ROBO2: variants seen among roughly 807,000 people sequenced by gnomAD.
ROBO2 encodes roundabout guidance receptor 2, also known as roundabout homolog 2.
Under a neutral mutation model 160.8 loss-of-function variants are expected in ROBO2, and 53 were observed. That is an observed-to-expected ratio of 0.33 (90% CI 0.26 to 0.41). The LOEUF (loss-of-function observed/expected upper bound fraction) is 0.41. ROBO2 is among the 10% of genes least tolerant of loss of function. The pLI is 1.00. For synonymous variants in ROBO2, 664 were observed against 611.7 expected (o/e 1.09, Z -1.26); for missense variants, 1,577 against 1,722.4 (o/e 0.92, Z 1.49).
intron 2 of ROBO2, among the ~76,000 whole-genome samples, chr3:76,629,515 C>T (rs1318993731): frequency 6.6e-6 from 1 of 152,122 alleles, no homozygotes; most frequent in Non-Finnish European, 1.5e-5. Context: ...AAGATGCAGG[C>T]CAAAAGACTA....
chr3:75,978,318 T>G (rs1032004658), intron 2 of ROBO2, among the ~76,000 whole-genome samples: 2 of 151,522 alleles, frequency 1.3e-5, no homozygotes, highest in Non-Finnish European at 3.0e-5. Flanking sequence ...TTTAAAAAAG[T>G]ACTTACAATG....
chr3:76,235,260 C>T (rs1044364797), intron 2 of ROBO2, among the ~76,000 whole-genome samples: 8 of 152,166 alleles, frequency 5.3e-5, no homozygotes, highest in Non-Finnish European at 1.2e-4. Flanking sequence ...GAAACCTCCC[C>T]TCTCTCCCCA....
intron 2 of ROBO2, among the ~76,000 whole-genome samples, chr3:76,133,953 A>G (rs1374554508): frequency 6.6e-6 from 1 of 152,082 alleles, no homozygotes; most frequent in Non-Finnish European, 1.5e-5. Context: ...GTTGACACTC[A>G]ATATTAGCCA....
chr3:77,173,981 C>T (rs1020802396), intron 2 of ROBO2, among the ~76,000 whole-genome samples: 1 of 151,984 alleles, frequency 6.6e-6, no homozygotes, highest in African/African-American at 2.4e-5. Flanking sequence ...CTGGACTCTC[C>T]ACATGTGTGT....
At position 76,707,123 on chromosome 3, in the gene ROBO2, A is replaced by G. The variant is rs1052054006; in HGVS notation, c.110-390891A>G. ...ATATGTATACATAGACTATATATTA[A>G]TTTTAACTCCATTCAAGTGTATTTA... On this transcript the variant is annotated intron_variant, in intron 2 of 26. Coordinates refer to the ROBO2 transcript ENST00000487694. Among the ~76,000 whole-genome samples, 43 of 152,000 alleles carry G rather than the reference A, an allele frequency of 2.8e-4. 1 individual carries two copies. Among genetic ancestry groups the G allele is most frequent in the Admixed American group, 1.1e-3 (16 of 15,226 alleles).
intron 2 of ROBO2, among the ~76,000 whole-genome samples, chr3:76,465,389 A>G (rs1164549941): frequency 6.6e-6 from 1 of 152,100 alleles, no homozygotes. Flanking sequence ...AAAATAGTTT[A>G]TACTAAAGTT....
At chr3:76,256,586 C>G (rs998491255) in intron 2 of ROBO2, among the ~76,000 whole-genome samples, 5 of 150,944 alleles carry the variant, frequency 3.3e-5, no homozygotes, top group Non-Finnish European at 5.9e-5. Context: ...TGATAGTGGT[C>G]TGTAGTTCTA....
rs1357145036 is a variant in ROBO2 at position 76,468,401 on chromosome 3, AGC to A, written c.109+530800_109+530801del. On this transcript the variant is annotated intron_variant, in intron 2 of 26. Coordinates refer to the ROBO2 transcript ENST00000487694. ...CCTGGAACCTTTCTATCAACCTTAA[AGC>A]ACACTCTCCAATATTGGAAACGTGC... 3.3e-5 allele frequency among the ~76,000 whole-genome samples: 5 copies of A among 152,074 alleles called. No individual in the cohort carries two copies. The South Asian group carries it at 8.3e-4, about 25-fold the overall frequency.
intron 2 of ROBO2, chr3:77,316,996 T>A (rs1455806094): frequency 1.3e-6 from 2 of 1,519,690 alleles, no homozygotes; most frequent in African/African-American, 2.7e-5. Context: ...GACAGCGGTC[T>A]CCAACTTCTT....
intron 2 of ROBO2, among the ~76,000 whole-genome samples, chr3:76,656,900 C>T (rs1440728387): frequency 6.6e-6 from 1 of 152,100 alleles, no homozygotes; most frequent in Non-Finnish European, 1.5e-5. Flanking sequence ...GTGATTGCAA[C>T]CCTTAGTCTT....
At chr3:76,984,496 A>AGC (rs2060266400) in intron 2 of ROBO2, among the ~76,000 whole-genome samples, 1 of 152,176 alleles carries the variant, frequency 6.6e-6, no homozygotes, top group East Asian at 1.9e-4. Flanking sequence ...CCACTGGGGT[A>AGC]TCCACACTCT....
rs142748871 is a variant in ROBO2, at chr3:76,151,951, G to A, written c.109+214349G>A. 1.1e-4 allele frequency among the ~76,000 whole-genome samples: 16 copies of A among 152,174 alleles called. No homozygotes were observed. The East Asian group carries it at 2.9e-3, about 28-fold the overall frequency. On this transcript the variant is annotated intron_variant, in intron 2 of 26. Transcript: ENST00000487694. ...ATTCATCCAATAAACATTATCAAAC[G>A]TCTCACTAGACATAAAATACTATGC...
At chr3:76,102,086 C>T (rs2069718015) in intron 2 of ROBO2, among the ~76,000 whole-genome samples, 1 of 151,636 alleles carries the variant, frequency 6.6e-6, no homozygotes, top group South Asian at 2.1e-4. Flanking sequence ...TGTTCCCCTT[C>T]CTGTGTCCAT....
chr3:77,528,585 T>A (rs1344763087), intron 6 of ROBO2, among the ~76,000 whole-genome samples: 1 of 151,628 alleles, frequency 6.6e-6, no homozygotes, highest in African/African-American at 2.4e-5. Context: ...TTAATATCCC[T>A]TATCCTCAGT....
At chr3:76,109,811 T>C in intron 2 of ROBO2, among the ~76,000 whole-genome samples, 1 of 151,864 alleles carries the variant, frequency 6.6e-6, no homozygotes, top group East Asian at 1.9e-4. Context: ...TCATCCCTCA[T>C]CCCTCTCCCA....
chr3:77,526,756 C>T (rs2091201479), intron 6 of ROBO2, among the ~76,000 whole-genome samples: 1 of 151,426 alleles, frequency 6.6e-6, no homozygotes, highest in Non-Finnish European at 1.5e-5. Context: ...GAACAGGAAT[C>T]AACTTGTCAG....
intron 5 of ROBO2, among the ~76,000 whole-genome samples, chr3:77,514,232 T>A (rs9833719): frequency 6.6e-6 from 1 of 151,298 alleles, no homozygotes; most frequent in Non-Finnish European, 1.5e-5. Context: ...TCTTAAAGAA[T>A]GCTAAATGCA....
chr3:76,015,278 T>C (rs989958692), intron 2 of ROBO2, among the ~76,000 whole-genome samples: 21 of 152,200 alleles, frequency 1.4e-4, no homozygotes, highest in African/African-American at 5.1e-4. Flanking sequence ...TATGCGCTTA[T>C]ATGTAAAAAT....
chr3:76,055,539 C>A (rs947362539), intron 2 of ROBO2, among the ~76,000 whole-genome samples: 1 of 152,046 alleles, frequency 6.6e-6, no homozygotes, highest in African/African-American at 2.4e-5. Flanking sequence ...TTATCTCCAT[C>A]TTTATATCCA....
Sources: allele counts gnomAD v4.1 joint callset (sites outside exome capture counted in the v4.1 genomes callset), GRCh38; gene constraint gnomAD v4.1.1; transcripts MANE v1.5; gene names NCBI Gene and HGNC (gene_info 2026-07-23, HGNC 2026-07-21).